Variants in RAMP1 observed in about 807,000 individuals in gnomAD.
RAMP1 encodes receptor activity modifying protein 1, also known as receptor activity-modifying protein 1.
In RAMP1, 7 loss-of-function variants were observed where a neutral mutation model predicts 8.2. The ratio of observed to expected loss-of-function variants is 0.85; its 90% CI spans 0.49 to 1.60. The LOEUF is 1.60. Among genes scored for constraint, RAMP1 ranks in the 40% most tolerant of loss-of-function variants. The pLI, the probability that RAMP1 is intolerant of heterozygous loss-of-function variation, is 0.00. For synonymous variants in RAMP1, 92 were observed against 84.7 expected, an observed-to-expected ratio of 1.09 and a Z score of -0.47; for missense variants, 192 against 202.4, an observed-to-expected ratio of 0.95 and a Z score of 0.31.
At chr2:237,881,128 C>T (rs2062364110) in intron 2 of RAMP1, among the ~76,000 whole-genome samples, 1 of 152,210 alleles carries the variant, frequency 6.6e-6, no homozygotes, top group South Asian at 2.1e-4. Context: ...CATTTTCTTA[C>T]ATCCCCTTCT....
intron 1 of RAMP1, among the ~76,000 whole-genome samples, chr2:237,870,870 G>A (rs959295901): frequency 2.0e-5 from 3 of 152,200 alleles, no homozygotes; most frequent in African/African-American, 7.2e-5. Context: ...GCAAGAGAGG[G>A]ACAAAGAACT....
Position 237,882,216 on chromosome 2 carries a change from T to G in RAMP1, c.191+4854T>G, listed in dbSNP as rs2151011590. ...CTTCCCTGTGCACTTGGCCCGTGCCTTCTTAAATCGTCCCTTTCCCAAACC... is the reference window on the plus strand; with the variant it reads ...CTTCCCTGTGCACTTGGCCCGTGCCGTCTTAAATCGTCCCTTTCCCAAACC... On this transcript the variant is annotated intron_variant, in intron 2 of 2. Coordinates refer to ENST00000254661, the MANE Select transcript of RAMP1 (RefSeq NM_005855.4). Among the ~76,000 whole-genome samples, 2 of 152,306 alleles carry G rather than the reference T, an allele frequency of 1.3e-5. 1 individual carries two copies. Among genetic ancestry groups the G allele is most frequent in the South Asian group, 4.1e-4 (2 of 4,830 alleles).
intron 2 of RAMP1, among the ~76,000 whole-genome samples, chr2:237,901,267 A>G (rs904163157): frequency 1.3e-5 from 2 of 152,218 alleles, no homozygotes; most frequent in African/African-American, 4.8e-5. Flanking sequence ...CTGTGACCAG[A>G]GTAAGGGGGA....
At chr2:237,905,727 TTGGTCAGATGCAGTG>T (rs1381368221) in intron 2 of RAMP1, among the ~76,000 whole-genome samples, 13 of 152,004 alleles carry the variant, frequency 8.6e-5, no homozygotes, top group Non-Finnish European at 1.8e-4. Flanking sequence ...GCAGGCTTCA[TTGGTCAGATGCAGTG>T]GCTCACGCCT....
intron 2 of RAMP1, among the ~76,000 whole-genome samples, chr2:237,889,102 A>G (rs1374629403): frequency 6.6e-6 from 1 of 152,126 alleles, no homozygotes; most frequent in Non-Finnish European, 1.5e-5. Flanking sequence ...ACTATTTGCC[A>G]TTGTGCTCTA....
Position 237,911,565 on chromosome 2 carries a change from G to A in RAMP1, c.229G>A (p.Ala77Thr), listed in dbSNP as rs778983552. The change falls in exon 3 of 3, where the codon GCG (alanine) becomes ACG (threonine). Residue 77 changes from alanine (A) to threonine (T), a missense_variant. Coordinates refer to ENST00000254661, the MANE Select transcript of RAMP1 (RefSeq NM_005855.4). ...GCTGGCCGACTGCACCTGGCACATG[G>A]CGGAGAAGCTGGGCTGCTTCTGGCC... ...RELADCTWHMAEKLGCFWPNA... is the reference protein window; with the variant it reads ...RELADCTWHMTEKLGCFWPNA... The A allele has an allele frequency of 6.2e-7, 1 of 1,614,154 alleles. No individual in the cohort carries two copies. Among genetic ancestry groups the A allele is most frequent in the Non-Finnish European group, 8.5e-7 (1 of 1,180,002 alleles).
chr2:237,910,978 CACAT>C (rs573274682), intron 2 of RAMP1, among the ~76,000 whole-genome samples: 308 of 151,962 alleles, frequency 2.0e-3, no homozygotes, highest in African/African-American at 6.3e-3. Context: ...GAATAATAGT[CACAT>C]ACACAGTCAC....
Position 237,877,467 on chromosome 2 carries a change from C to A in RAMP1, c.191+105C>A. 2 of 1,445,926 alleles carry A rather than the reference C, an allele frequency of 1.4e-6. No individual in the cohort carries two copies. Among genetic ancestry groups the A allele is most frequent in the Non-Finnish European group, 1.8e-6 (2 of 1,084,346 alleles). 89.6% of individuals were successfully genotyped at this position (1,445,926 alleles called of 1,614,324 possible). The stretch of plus-strand genomic sequence containing the variant: ...GAGCTGTGGAAGATCCTTTCTAGAC[C>A]CCGGAAGGGTTCTTCCCCCAGTGGG... On this transcript the variant is annotated intron_variant, in intron 2 of 2. Transcript: ENST00000254661. The surrounding 1 kb of genome is among the most constrained non-coding windows in gnomAD (Gnocchi z 4.4).
chr2:237,910,760 C>T (rs1207090510), intron 2 of RAMP1, among the ~76,000 whole-genome samples: 3 of 121,136 alleles, frequency 2.5e-5, no homozygotes, highest in Non-Finnish European at 6.1e-5. Flanking sequence ...AAAATAGTCA[C>T]ACACACAGTC....
chr2:237,883,680 G>A (rs1286029440), intron 2 of RAMP1, among the ~76,000 whole-genome samples: 1 of 151,934 alleles, frequency 6.6e-6, no homozygotes, highest in Non-Finnish European at 1.5e-5. Context: ...GCTGTACATG[G>A]TGTTGGACAC....
At chr2:237,893,803 G>T (rs1217168238) in intron 2 of RAMP1, among the ~76,000 whole-genome samples, 2 of 151,902 alleles carry the variant, frequency 1.3e-5, no homozygotes, top group Non-Finnish European at 2.9e-5. Context: ...GTTGGGCGTG[G>T]TGGCACGCAC....
chr2:237,882,010 T>C (rs1269886540), intron 2 of RAMP1, among the ~76,000 whole-genome samples: 1 of 152,162 alleles, frequency 6.6e-6, no homozygotes, highest in African/African-American at 2.4e-5. Flanking sequence ...GCCTGTGTGG[T>C]CCCACTGGTT....
At chr2:237,872,957 A>G (rs2062261733) in intron 1 of RAMP1, among the ~76,000 whole-genome samples, 1 of 152,104 alleles carries the variant, frequency 6.6e-6, no homozygotes, top group Admixed American at 6.6e-5. Context: ...GGAGGTCAAG[A>G]CTCTGCAGTA....
rs75352635 is a variant in RAMP1, at chr2:237,885,860, C to T, written c.191+8498C>T. ...ATCTCCAGAGCACACCCCAGGGGCACGGAAACCCGGCTGCTGACCCCTGAC... is the reference window on the plus strand; with the variant it reads ...ATCTCCAGAGCACACCCCAGGGGCATGGAAACCCGGCTGCTGACCCCTGAC... On this transcript the variant is annotated intron_variant, in intron 2 of 2. Transcript: ENST00000254661. Among the ~76,000 whole-genome samples, 1,395 of 152,294 alleles carry T rather than the reference C, an allele frequency of 9.2e-3. 21 individuals carry two copies. The highest frequency in any genetic ancestry group is 0.031 in the African/African-American group (1,301 of 41,568).
At chr2:237,893,697 G>A (rs1189482083) in intron 2 of RAMP1, among the ~76,000 whole-genome samples, 8 of 152,258 alleles carry the variant, frequency 5.3e-5, no homozygotes, top group African/African-American at 2.4e-5. Context: ...CCAGCACTTT[G>A]GGAGGCCAAG....
intron 2 of RAMP1, among the ~76,000 whole-genome samples, chr2:237,884,870 GC>G (rs1246123419): frequency 6.6e-6 from 1 of 152,216 alleles, no homozygotes; most frequent in Non-Finnish European, 1.5e-5. Context: ...GCAATCATGG[GC>G]CCTCCCCCAG....
At chr2:237,904,733 A>C (rs2062636921) in intron 2 of RAMP1, among the ~76,000 whole-genome samples, 1 of 152,232 alleles carries the variant, frequency 6.6e-6, no homozygotes, top group Non-Finnish European at 1.5e-5. Flanking sequence ...AAAGGACAAG[A>C]AATGTATACG....
At chr2:237,908,410 C>CTGGTGGTGGTAGTGGTGG (rs570662154) in intron 2 of RAMP1, among the ~76,000 whole-genome samples, 67,826 of 148,840 alleles carry the variant, frequency 0.46, 16,229 homozygotes, top group East Asian at 0.67. Context: ...GAAGAGACCT[C>CTGGTGGTGGTAGTGGTGG]TGGTGGTGGT....
chr2:237,907,059 T>C (rs2062660720), intron 2 of RAMP1, among the ~76,000 whole-genome samples: 1 of 152,330 alleles, frequency 6.6e-6, no homozygotes, highest in East Asian at 1.9e-4. Flanking sequence ...TTTCTAGGTA[T>C]AGAATTCCAG....
Sources: allele counts gnomAD v4.1 joint callset (sites outside exome capture counted in the v4.1 genomes callset), GRCh38; gene constraint gnomAD v4.1.1; non-coding constraint Gnocchi (gnomAD v3.1); transcripts MANE v1.5; gene names NCBI Gene and HGNC (gene_info 2026-07-23, HGNC 2026-07-21).